NPAS2: variants seen among roughly 807,000 people sequenced by gnomAD.
NPAS2 encodes the protein neuronal PAS domain-containing protein 2.
Under a neutral mutation model 107.5 loss-of-function variants are expected in NPAS2, and 23 were observed. That is an observed-to-expected ratio of 0.21 (90% confidence interval 0.15 to 0.30). The LOEUF (loss-of-function observed/expected upper bound fraction) is 0.30. Ranked by LOEUF, NPAS2 falls within the 10% of genes least tolerant of loss-of-function variation. The pLI, the probability that NPAS2 is intolerant of heterozygous loss-of-function variation, is 1.00. For synonymous variants in NPAS2, 403 were observed against 417.5 expected, an observed-to-expected ratio of 0.97 and a Z score of 0.42; for missense variants, 756 against 1,043.3, an observed-to-expected ratio of 0.72 and a Z score of 3.79.
intron 4 of NPAS2, among the ~76,000 whole-genome samples, chr2:100,936,067 G>A (rs922449160): frequency 1.3e-5 from 2 of 152,176 alleles, no homozygotes; most frequent in Non-Finnish European, 2.9e-5. Context: ...CCAAGAGGAC[G>A]AGGTCCATTT....
chr2:100,932,627 G>A (rs1048367293), intron 3 of NPAS2, among the ~76,000 whole-genome samples: 6 of 152,298 alleles, frequency 3.9e-5, no homozygotes, highest in South Asian at 2.1e-4. Context: ...GATGGAGTTC[G>A]TCATGTAGAC....
At chr2:100,978,587 TC>T (rs1677190605) in intron 15 of NPAS2, among the ~76,000 whole-genome samples, 1 of 152,128 alleles carries the variant, frequency 6.6e-6, no homozygotes, top group Admixed American at 6.5e-5. Context: ...AGTAATTCCA[TC>T]CTTGTTTCAA....
At chr2:100,955,950 A>G (rs1269029982) in intron 7 of NPAS2, among the ~76,000 whole-genome samples, 1 of 151,970 alleles carries the variant, frequency 6.6e-6, no homozygotes, top group African/African-American at 2.4e-5. Context: ...TGTCACACAG[A>G]CTGGAGTGCA....
At chr2:100,893,898 G>A (rs545971277) in intron 1 of NPAS2, among the ~76,000 whole-genome samples, 2 of 152,314 alleles carry the variant, frequency 1.3e-5, no homozygotes, top group Admixed American at 6.5e-5. Flanking sequence ...GGAGAAAAGG[G>A]TTGCTACCTC....
rs766577230 is a variant in NPAS2 at position 100,982,304 on chromosome 2, A to G, written c.1556A>G (p.Asn519Ser). The change falls in exon 16 of 21, where the codon AAT (asparagine) becomes AGT (serine). Residue 519 changes from asparagine to serine, a missense_variant. Physicochemically the swap from Asn to Ser is conservative, Grantham distance 46. Around this residue, in one of 4 missense-constraint regions of NPAS2, gnomAD observed 496 missense variants for 594.4 expected, o/e 0.83. Coordinates refer to ENST00000335681, the MANE Select transcript of NPAS2 (RefSeq NM_002518.4). ...LEQRTRILQA[N>S]IRWQQEELHK... is the part of the protein sequence containing the mutation. Reference sequence around the variant, plus strand: ...CAGCGGACGCGGATCCTGCAGGCCAATATCCGGTGGCAACAGGAAGAGCTC... The same window carrying G: ...CAGCGGACGCGGATCCTGCAGGCCAGTATCCGGTGGCAACAGGAAGAGCTC... The G allele has an allele frequency of 3.1e-6, 5 of 1,614,084 alleles. No individual in the cohort carries two copies. Among genetic ancestry groups the G allele is most frequent in the African/African-American group, 2.7e-5 (2 of 74,934 alleles).
At chr2:100,946,527 G>A (rs1030360478) in intron 5 of NPAS2, among the ~76,000 whole-genome samples, 6 of 152,182 alleles carry the variant, frequency 3.9e-5, no homozygotes, top group South Asian at 4.1e-4. Flanking sequence ...AAAAAGGCTC[G>A]GAAGGATTAG....
chr2:100,942,244 G>T (rs1029513606), intron 5 of NPAS2, among the ~76,000 whole-genome samples: 2 of 152,286 alleles, frequency 1.3e-5, no homozygotes, highest in Non-Finnish European at 2.9e-5. Flanking sequence ...AGTTCCTGTG[G>T]CAGGGGCACA....
chr2:100,968,018 T>C lies in NPAS2; in HGVS notation c.908-263T>C, dbSNP rs1676331382. On this transcript the variant is annotated intron_variant, in intron 10 of 20. Transcript: ENST00000335681. This position sits in a 1 kb window ranked among gnomAD's most constrained non-coding sequence, Gnocchi z 5.3. ...TTTCATTAAACCTGCAGTTTGAAAATCTGTCTGCATCTGCCCTTATCTGAG... is the reference window on the plus strand; with the variant it reads ...TTTCATTAAACCTGCAGTTTGAAAACCTGTCTGCATCTGCCCTTATCTGAG... Among the ~76,000 whole-genome samples the C allele has an allele frequency of 1.3e-5, 2 of 152,186 alleles. No homozygotes were observed. The highest frequency in any genetic ancestry group is 6.5e-5 in the Admixed American group (1 of 15,280).
intron 1 of NPAS2, among the ~76,000 whole-genome samples, chr2:100,887,988 A>C (rs1680820028): frequency 6.6e-6 from 1 of 152,154 alleles, no homozygotes; most frequent in Non-Finnish European, 1.5e-5. Flanking sequence ...AGTCATACAG[A>C]TGGCAGTCTT....
At chr2:100,915,472 C>G (rs548184617) in intron 2 of NPAS2, among the ~76,000 whole-genome samples, 2 of 152,248 alleles carry the variant, frequency 1.3e-5, no homozygotes, top group East Asian at 3.9e-4. Context: ...GAGCTCACCC[C>G]TGAGCTGAAT....
chr2:100,940,930 GT>G (rs1454508347), intron 5 of NPAS2, among the ~76,000 whole-genome samples: 2 of 152,202 alleles, frequency 1.3e-5, no homozygotes, highest in Admixed American at 1.3e-4. Context: ...ACACAGGGTA[GT>G]CAGGGGGCAG....
At chr2:100,818,772 C>T (rs1002046422), upstream of NPAS2, among the ~76,000 whole-genome samples, 1 of 152,238 alleles carries the variant, frequency 6.6e-6, no homozygotes, top group African/African-American at 2.4e-5. Context: ...AAGGCTGCCA[C>T]GCTCGGAGCG....
intron 1 of NPAS2, among the ~76,000 whole-genome samples, chr2:100,874,813 C>T (rs1339163962): frequency 6.6e-6 from 1 of 152,056 alleles, no homozygotes; most frequent in Non-Finnish European, 1.5e-5. Context: ...AAAATGTGGC[C>T]AAGGCAGAGA....
In NPAS2 at chr2:100,937,747, C is replaced by T. The variant is rs1400477911; in HGVS notation, c.274-6C>T. On this transcript the variant is annotated splice_polypyrimidine_tract_variant and splice_region_variant and intron_variant, in intron 4 of 20. Transcript: ENST00000335681. ...AAGGAGCTTTCAAATGTTGCATTTT[C>T]CACAGGCATTAGATGGCTTCATTAT... The T allele has an allele frequency of 3.7e-6, 6 of 1,612,032 alleles. No homozygotes were observed. The highest frequency in any genetic ancestry group is 5.1e-6 in the Non-Finnish European group (6 of 1,178,082).
At chr2:100,920,194 CAGTT>C (rs930310042) in intron 2 of NPAS2, among the ~76,000 whole-genome samples, 8 of 152,070 alleles carry the variant, frequency 5.3e-5, no homozygotes, top group African/African-American at 1.9e-4. Context: ...TAGAAAGCTT[CAGTT>C]AGACAGGAGG....
intron 11 of NPAS2, chr2:100,970,512 A>G (rs1182650756): frequency 6.5e-6 from 1 of 154,090 alleles, no homozygotes; most frequent in African/African-American, 2.4e-5. Flanking sequence ...GGGCTCATCT[A>G]CAGTCTGGAT....
intron 3 of NPAS2, among the ~76,000 whole-genome samples, chr2:100,926,179 G>A (rs1683548753): frequency 6.6e-6 from 1 of 152,100 alleles, no homozygotes; most frequent in Non-Finnish European, 1.5e-5. Flanking sequence ...CCATTCATCA[G>A]TTGATGGATA....
At chr2:100,912,727 G>C (rs1573606428) in intron 2 of NPAS2, among the ~76,000 whole-genome samples, 1 of 152,362 alleles carries the variant, frequency 6.6e-6, no homozygotes, top group Non-Finnish European at 1.5e-5. Context: ...AAGGGCGAAT[G>C]TCACGGGGAA....
At chr2:100,844,094 G>A (rs1263148621) in intron 1 of NPAS2, among the ~76,000 whole-genome samples, 3 of 152,168 alleles carry the variant, frequency 2.0e-5, no homozygotes, top group Non-Finnish European at 2.9e-5. Context: ...CTGTCTGCAG[G>A]CTCACAGCCT....
Sources: gnomAD v4.1 joint callset for allele counts (sites outside exome capture counted in the v4.1 genomes callset) on GRCh38, gnomAD v4.1.1 for gene constraint, gnomAD v4.1.1 regional missense constraint, Gnocchi (gnomAD v3.1) non-coding constraint, MANE v1.5 for transcripts, NCBI Gene and HGNC (gene_info 2026-07-23, HGNC 2026-07-21) for gene names.